The following OPCML variants were observed in gnomAD, a reference collection of about 807,000 sequenced individuals.
OPCML encodes the protein opioid binding protein/cell adhesion molecule like, also known as opioid-binding protein/cell adhesion molecule.
A neutral mutation model predicts 37.8 loss-of-function variants in OPCML; 13 were observed. The ratio of observed to expected loss-of-function variants is 0.34; its 90% CI spans 0.22 to 0.55. The LOEUF is 0.55. OPCML is among the 20% of genes least tolerant of loss of function. The pLI, the probability that OPCML is intolerant of heterozygous loss-of-function variation, is 0.91. For synonymous variants in OPCML, 176 were observed against 168.8 expected (o/e 1.04, Z -0.33); for missense variants, 341 against 435.6 (o/e 0.78, Z 1.93).
intron 3 of OPCML, among the ~76,000 whole-genome samples, chr11:132,571,058 G>T (rs2096437279): frequency 1.3e-5 from 2 of 151,868 alleles, no homozygotes; most frequent in South Asian, 4.1e-4. Flanking sequence ...TGCCAGCCTG[G>T]CTAGAAGAGT....
chr11:133,140,594 G>A (rs1044560805), intron 1 of OPCML, among the ~76,000 whole-genome samples: 89 of 137,730 alleles, frequency 6.5e-4, no homozygotes, highest in South Asian at 4.5e-3. Flanking sequence ...AAAAAAGAAA[G>A]AAGAAAGAAG....
chr11:132,583,907 C>T (rs549643099), intron 3 of OPCML, among the ~76,000 whole-genome samples: 1 of 152,238 alleles, frequency 6.6e-6, no homozygotes, highest in African/African-American at 2.4e-5. Context: ...AACCACTGTG[C>T]CCGGCCTATA....
chr11:133,233,027 G>A (rs1385875664), intron 1 of OPCML, among the ~76,000 whole-genome samples: 1 of 152,100 alleles, frequency 6.6e-6, no homozygotes, highest in Non-Finnish European at 1.5e-5. Flanking sequence ...TTTTTTGGGG[G>A]GTGGGTCTTC....
At chr11:133,005,506 G>A (rs760900187) in intron 1 of OPCML, 8 of 985,334 alleles carry the variant, frequency 8.1e-6, no homozygotes, top group Non-Finnish European at 8.4e-6. Flanking sequence ...ATATTTGGTA[G>A]AGTGAGTGCA....
intron 1 of OPCML, among the ~76,000 whole-genome samples, chr11:133,023,418 A>G (rs1947490918): frequency 6.6e-6 from 1 of 152,332 alleles, no homozygotes; most frequent in South Asian, 2.1e-4. Context: ...GGAGTTATAA[A>G]TGAAAGATAT....
chr11:133,483,311 C>CAGATAGAT (rs10527085), intron 1 of OPCML, among the ~76,000 whole-genome samples: 2,035 of 148,514 alleles, frequency 0.014, 43 homozygotes, highest in African/African-American at 0.04. Flanking sequence ...GATAGATAGG[C>CAGATAGAT]AGATAGATAG....
In OPCML at chr11:132,568,024, C is replaced by CTG. The variant is rs549824512; in HGVS notation, c.380-38840_380-38839dup. The stretch of plus-strand genomic sequence containing the variant: ...AAAGGGGTCCCTGGACCGAATAGAT[C>CTG]TGTGTGTGTGTGTGTGTGCGCGCGC... On this transcript the variant is annotated intron_variant, in intron 3 of 7. Transcript: ENST00000524381. Among the ~76,000 whole-genome samples the CTG allele has an allele frequency of 5.4e-3, 804 of 147,934 alleles. 5 individuals are homozygous for CTG. Among genetic ancestry groups the CTG allele is most frequent in the African/African-American group, 8.1e-3 (325 of 40,008 alleles).
At chr11:133,244,693 G>GCTCA (rs1447167418) in intron 1 of OPCML, among the ~76,000 whole-genome samples, 1 of 77,508 alleles carries the variant, frequency 1.3e-5, no homozygotes, top group Non-Finnish European at 2.1e-5. Context: ...TTCCCCCTTT[G>GCTCA]CTCACTCACT....
intron 2 of OPCML, among the ~76,000 whole-genome samples, chr11:132,797,648 G>A (rs1208825854): frequency 6.6e-6 from 1 of 152,070 alleles, no homozygotes; most frequent in Non-Finnish European, 1.5e-5. Context: ...TGTTATATGG[G>A]CCATAATAGT....
chr11:133,148,195 T>G (rs991299837), intron 1 of OPCML, among the ~76,000 whole-genome samples: 2 of 152,174 alleles, frequency 1.3e-5, no homozygotes, highest in Non-Finnish European at 2.9e-5. Context: ...GAGCTCCCAT[T>G]TCCTCTACTG....
intron 3 of OPCML, among the ~76,000 whole-genome samples, chr11:132,625,044 C>CA (rs1233939611): frequency 1.3e-5 from 2 of 152,118 alleles, no homozygotes; most frequent in Non-Finnish European, 2.9e-5. Flanking sequence ...TTGTTCCCCC[C>CA]AAAATAATAT....
chr11:133,464,515 G>A (rs367787360), intron 1 of OPCML, among the ~76,000 whole-genome samples: 1 of 152,150 alleles, frequency 6.6e-6, no homozygotes, highest in South Asian at 2.1e-4. Flanking sequence ...CTGGAATGCT[G>A]CCCTTCAGCT....
intron 1 of OPCML, among the ~76,000 whole-genome samples, chr11:133,078,513 G>A (rs984257855): frequency 3.9e-5 from 6 of 152,200 alleles, no homozygotes; most frequent in Non-Finnish European, 7.3e-5. Context: ...ATTAGCCTGT[G>A]CCGGAGTGAA....
intron 4 of OPCML, among the ~76,000 whole-genome samples, chr11:132,512,546 A>G (rs2096271043): frequency 6.6e-6 from 1 of 152,036 alleles, no homozygotes; most frequent in Non-Finnish European, 1.5e-5. Flanking sequence ...ACACAACATG[A>G]ATAAAACTCA....
intron 1 of OPCML, among the ~76,000 whole-genome samples, chr11:133,116,030 A>G (rs914389857): frequency 9.9e-5 from 15 of 152,070 alleles, no homozygotes; most frequent in African/African-American, 3.4e-4. Flanking sequence ...AGTGCAGTGG[A>G]ACGATCTCGG....
At chr11:132,564,681 G>T (rs2096418300) in intron 3 of OPCML, among the ~76,000 whole-genome samples, 1 of 152,064 alleles carries the variant, frequency 6.6e-6, no homozygotes, top group Admixed American at 6.5e-5. Context: ...TGCTCCTAAG[G>T]GAGTGTTCCC....
intron 1 of OPCML, among the ~76,000 whole-genome samples, chr11:132,966,114 G>A (rs1946208496): frequency 6.6e-6 from 1 of 151,472 alleles, no homozygotes; most frequent in Admixed American, 6.6e-5. Flanking sequence ...TTTTTGAGGT[G>A]GAAAGTTAGA....
At chr11:133,145,963 G>T (rs1475372679) in intron 1 of OPCML, among the ~76,000 whole-genome samples, 3 of 152,216 alleles carry the variant, frequency 2.0e-5, no homozygotes, top group Non-Finnish European at 1.5e-5. Context: ...AGGTATTAAT[G>T]ATGTTCATAG....
At chr11:133,454,852 G>A (rs1946645023) in intron 1 of OPCML, among the ~76,000 whole-genome samples, 1 of 152,072 alleles carries the variant, frequency 6.6e-6, no homozygotes, top group Admixed American at 6.6e-5. Context: ...TTCCTTTCTT[G>A]ATACTATAAA....
Sources: gnomAD v4.1 joint callset for allele counts (sites outside exome capture counted in the v4.1 genomes callset) on GRCh38, gnomAD v4.1.1 for gene constraint, MANE v1.5 for transcripts, NCBI Gene and HGNC (gene_info 2026-07-23, HGNC 2026-07-21) for gene names.